MAGI1: variants seen among roughly 807,000 people sequenced by gnomAD.
The protein encoded by MAGI1 is membrane-associated guanylate kinase, WW and PDZ domain-containing protein 1.
A neutral mutation model predicts 139.9 loss-of-function variants in MAGI1; 58 were observed. That is an observed-to-expected ratio of 0.41 (90% CI 0.34 to 0.52). MAGI1 has a LOEUF of 0.52. Among genes scored for constraint, MAGI1 ranks in the 20% least tolerant of loss-of-function variants. The pLI is 0.12. For synonymous variants in MAGI1, 812 were observed against 737.9 expected (o/e 1.10, Z -1.63); for missense variants, 1,874 against 1,901.6 (o/e 0.99, Z 0.27).
At chr3:65,560,493 C>T (rs1399898827) in intron 2 of MAGI1, among the ~76,000 whole-genome samples, 3 of 152,060 alleles carry the variant, frequency 2.0e-5, no homozygotes, top group East Asian at 1.9e-4. Context: ...CTTTTCTATC[C>T]TTTAATAAGG....
intron 2 of MAGI1, among the ~76,000 whole-genome samples, chr3:65,519,670 C>T (rs1472216832): frequency 6.6e-6 from 1 of 152,202 alleles, no homozygotes; most frequent in East Asian, 1.9e-4. Context: ...AGGCATGAGC[C>T]ACCTCACCTG....
rs58376869 is a variant in MAGI1, at chr3:65,396,393, TAAACTA to T, written c.2199+5040_2200-5036del. 9.7e-3 allele frequency among the ~76,000 whole-genome samples: 1,475 copies of T among 152,288 alleles called. 22 individuals are homozygous for T. Among genetic ancestry groups the T allele is most frequent in the African/African-American group, 0.034 (1,403 of 41,540 alleles). ...CATGAACCTGTATCACAAGACCTTTTAAACTAAAACTAAAACTGTACCAACCTCTCT... is the reference window on the plus strand; with the variant it reads ...CATGAACCTGTATCACAAGACCTTTTAAACTAAAACTGTACCAACCTCTCT... On this transcript the variant is annotated intron_variant, in intron 13 of 22. Coordinates refer to ENST00000402939, the MANE Select transcript of MAGI1 (RefSeq NM_001033057.2).
intron 1 of MAGI1, among the ~76,000 whole-genome samples, chr3:65,623,082 C>T (rs929842157): frequency 9.2e-5 from 14 of 152,064 alleles, no homozygotes; most frequent in African/African-American, 2.4e-4. Flanking sequence ...CTGGGTAATA[C>T]GAGGAATCAT....
At chr3:65,881,683 G>T (rs1004203471) in intron 1 of MAGI1, among the ~76,000 whole-genome samples, 9 of 151,682 alleles carry the variant, frequency 5.9e-5, no homozygotes, top group African/African-American at 2.2e-4. Flanking sequence ...TCACACATTT[G>T]TAAGCTCATC....
chr3:65,759,762 T>C (rs1191307164), intron 1 of MAGI1, among the ~76,000 whole-genome samples: 3 of 152,150 alleles, frequency 2.0e-5, no homozygotes, highest in East Asian at 1.9e-4. Context: ...GAATGTGAGA[T>C]GTGTTCCAGT....
At chr3:65,694,579 A>C (rs1374475962) in intron 1 of MAGI1, among the ~76,000 whole-genome samples, 5 of 152,366 alleles carry the variant, frequency 3.3e-5, no homozygotes, top group Non-Finnish European at 2.9e-5. Context: ...AAAGGGACTT[A>C]ATCAGGACAG....
intron 2 of MAGI1, among the ~76,000 whole-genome samples, chr3:65,620,288 C>T (rs898936451): frequency 6.6e-6 from 1 of 152,108 alleles, no homozygotes; most frequent in Non-Finnish European, 1.5e-5. Flanking sequence ...AGCTACAGGG[C>T]ACCTATGAAA....
chr3:65,889,479 T>C (rs546267386), intron 1 of MAGI1, among the ~76,000 whole-genome samples: 19 of 152,310 alleles, frequency 1.2e-4, no homozygotes, highest in South Asian at 1.0e-3. Flanking sequence ...TCATGAGTCA[T>C]AGTAATGACT....
intron 1 of MAGI1, among the ~76,000 whole-genome samples, chr3:65,810,657 A>C (rs959907469): frequency 6.6e-6 from 1 of 152,218 alleles, no homozygotes; most frequent in Non-Finnish European, 1.5e-5. Context: ...GCCGGGGAAG[A>C]TGATGGCAGC....
At chr3:65,595,619 C>T (rs951724821) in intron 2 of MAGI1, among the ~76,000 whole-genome samples, 3 of 151,978 alleles carry the variant, frequency 2.0e-5, no homozygotes, top group Non-Finnish European at 2.9e-5. Flanking sequence ...AGGAACAGAC[C>T]GATTTAAGAG....
intron 1 of MAGI1, among the ~76,000 whole-genome samples, chr3:65,800,082 T>A (rs1392121494): frequency 2.0e-5 from 3 of 152,230 alleles, no homozygotes; most frequent in African/African-American, 7.2e-5. Context: ...GTTACTTTCC[T>A]CCCAAGTTTC....
chr3:65,724,955 C>T (rs573888437), intron 1 of MAGI1, among the ~76,000 whole-genome samples: 82 of 152,186 alleles, frequency 5.4e-4, no homozygotes, highest in African/African-American at 1.8e-3. Context: ...CAATTCAAGA[C>T]GAAATCTGGG....
chr3:65,444,705 G>GGTA (rs1948564679), intron 7 of MAGI1, among the ~76,000 whole-genome samples: 1 of 152,102 alleles, frequency 6.6e-6, no homozygotes, highest in African/African-American at 2.4e-5. Context: ...GGGCCGAGGA[G>GGTA]GGTACTAGAA....
intron 2 of MAGI1, among the ~76,000 whole-genome samples, chr3:65,610,303 G>C (rs1362898944): frequency 6.6e-6 from 1 of 152,076 alleles, no homozygotes; most frequent in African/African-American, 2.4e-5. Context: ...AATGAAACCT[G>C]TATTAGCCAC....
intron 1 of MAGI1, among the ~76,000 whole-genome samples, chr3:65,790,920 C>CA (rs1455316355): frequency 6.6e-6 from 1 of 151,928 alleles, no homozygotes; most frequent in Non-Finnish European, 1.5e-5. Flanking sequence ...ACTAAAAATA[C>CA]AAAAATTACC....
At chr3:65,696,092 C>T (rs928322804) in intron 1 of MAGI1, among the ~76,000 whole-genome samples, 1 of 152,224 alleles carries the variant, frequency 6.6e-6, no homozygotes, top group East Asian at 1.9e-4. Flanking sequence ...TCCAGCTTCA[C>T]TGGCGTCTTT....
chr3:65,797,443 C>A (rs2040220275), intron 1 of MAGI1, among the ~76,000 whole-genome samples: 1 of 152,160 alleles, frequency 6.6e-6, no homozygotes, highest in Non-Finnish European at 1.5e-5. Flanking sequence ...CAGAAACCGG[C>A]CAGGCACACT....
chr3:65,910,356 T>C (rs2061605223), intron 1 of MAGI1, among the ~76,000 whole-genome samples: 2 of 152,154 alleles, frequency 1.3e-5, no homozygotes, highest in Non-Finnish European at 2.9e-5. Flanking sequence ...AAAACACATT[T>C]AAAAATGAGG....
At chr3:65,718,221 C>G (rs529224154) in intron 1 of MAGI1, among the ~76,000 whole-genome samples, 2 of 152,166 alleles carry the variant, frequency 1.3e-5, no homozygotes, top group South Asian at 4.2e-4. Context: ...TAGAGAAAGC[C>G]ATGACCGGGC....
Sources: allele counts gnomAD v4.1 joint callset (sites outside exome capture counted in the v4.1 genomes callset), GRCh38; gene constraint gnomAD v4.1.1; transcripts MANE v1.5; gene names NCBI Gene and HGNC (gene_info 2026-07-23, HGNC 2026-07-21).